Variants in DSCAM observed in about 807,000 individuals in gnomAD.
The protein encoded by DSCAM is cell adhesion molecule DSCAM.
A neutral mutation model predicts 217.7 loss-of-function variants in DSCAM; 47 were observed. The ratio of observed to expected loss-of-function variants is 0.22; its 90% CI spans 0.17 to 0.28. The LOEUF (loss-of-function observed/expected upper bound fraction) is 0.28. Among genes scored for constraint, DSCAM ranks in the 10% least tolerant of loss-of-function variants. DSCAM has a pLI of 1.00. For missense variants in DSCAM, 2,080 were observed against 2,618.3 expected, an observed-to-expected ratio of 0.79 and a Z score of 4.49; for synonymous variants, 1,056 against 1,015.3, an observed-to-expected ratio of 1.04 and a Z score of -0.76.
intron 3 of DSCAM, among the ~76,000 whole-genome samples, chr21:40,654,831 C>A (rs2090055640): frequency 6.6e-6 from 1 of 152,170 alleles, no homozygotes; most frequent in African/African-American, 2.4e-5. Flanking sequence ...ATCACATCTG[C>A]AAAATCCTTT....
rs199565259 is a variant in DSCAM, at chr21:40,154,408, T to C, written c.3019-9677A>G. Among the ~76,000 whole-genome samples the C allele has an allele frequency of 2.6e-5, 4 of 151,888 alleles. No individual in the cohort carries two copies. In the East Asian group the frequency reaches 5.8e-4, roughly 22 times the overall value. ...ACCTGGGATCACAGACATGTCACCA[T>C]ACCCGGCAAATTTTTGAACTTTTTT... On this transcript the variant is annotated intron_variant, in intron 16 of 32. Coordinates refer to ENST00000400454, the MANE Select transcript of DSCAM (RefSeq NM_001389.5).
At chr21:40,529,175 C>T (rs1227232744) in intron 3 of DSCAM, among the ~76,000 whole-genome samples, 1 of 152,026 alleles carries the variant, frequency 6.6e-6, no homozygotes, top group African/African-American at 2.4e-5. Context: ...AAATTACAGA[C>T]ATAAGCCACT....
chr21:40,194,835 A>C (rs370236586), intron 11 of DSCAM, among the ~76,000 whole-genome samples: 21 of 152,236 alleles, frequency 1.4e-4, no homozygotes, highest in African/African-American at 5.1e-4. Flanking sequence ...TTTCCCATTT[A>C]GCTTGAAATT....
At chr21:40,771,350 T>A (rs1020268438) in intron 1 of DSCAM, among the ~76,000 whole-genome samples, 1 of 152,186 alleles carries the variant, frequency 6.6e-6, no homozygotes, top group Non-Finnish European at 1.5e-5. Context: ...TTGAAACGGA[T>A]GGAGGAGGGA....
rs912784037 is a variant in DSCAM, at chr21:40,396,258, C to A, written c.509-27013G>T. 3.9e-5 allele frequency among the ~76,000 whole-genome samples: 6 copies of A among 152,246 alleles called. No individual in the cohort carries two copies. The East Asian group carries it at 1.2e-3, about 29-fold the overall frequency. On this transcript the variant is annotated intron_variant, in intron 3 of 32. Transcript: ENST00000400454. ...ATAATGTTTAAATGCCATGCAATTGCACAAGAAAACTTCACTGATTGTCAA... is the reference window on the plus strand; with the variant it reads ...ATAATGTTTAAATGCCATGCAATTGAACAAGAAAACTTCACTGATTGTCAA...
At chr21:40,579,677 C>A (rs2076887671) in intron 3 of DSCAM, among the ~76,000 whole-genome samples, 1 of 152,064 alleles carries the variant, frequency 6.6e-6, no homozygotes, top group Non-Finnish European at 1.5e-5. Context: ...AAGTTAAGAT[C>A]GTCGCTAGAA....
At chr21:40,406,899 G>C (rs998983780) in intron 3 of DSCAM, among the ~76,000 whole-genome samples, 2 of 152,104 alleles carry the variant, frequency 1.3e-5, no homozygotes, top group African/African-American at 4.8e-5. Flanking sequence ...GATTACATAT[G>C]TGAGCCACCG....
intron 9 of DSCAM, among the ~76,000 whole-genome samples, chr21:40,305,498 G>C (rs573228272): frequency 1.3e-5 from 2 of 151,786 alleles, no homozygotes; most frequent in Non-Finnish European, 2.9e-5. Flanking sequence ...TGGTGTTTTA[G>C]ACATGAAATC....
intron 11 of DSCAM, among the ~76,000 whole-genome samples, chr21:40,269,839 T>G (rs1218225643): frequency 6.6e-6 from 1 of 152,212 alleles, no homozygotes; most frequent in Non-Finnish European, 1.5e-5. Flanking sequence ...TAGAGCCTCA[T>G]CTTCACTAAT....
intron 20 of DSCAM, among the ~76,000 whole-genome samples, chr21:40,111,710 G>A (rs1025041227): frequency 6.6e-6 from 1 of 152,164 alleles, no homozygotes; most frequent in Non-Finnish European, 1.5e-5. Flanking sequence ...AAAATAAAGG[G>A]TTGGAGGAAG....
At chr21:40,254,007 T>C (rs2073339417) in intron 11 of DSCAM, among the ~76,000 whole-genome samples, 1 of 152,214 alleles carries the variant, frequency 6.6e-6, no homozygotes, top group Non-Finnish European at 1.5e-5. Context: ...GTGTCTGACA[T>C]AAGAGCAGTC....
chr21:40,789,553 ATTTTTTTT>A (rs3071032), intron 1 of DSCAM, among the ~76,000 whole-genome samples: 1 of 128,758 alleles, frequency 7.8e-6, no homozygotes, highest in African/African-American at 3.0e-5. Flanking sequence ...GAGTAGATTG[ATTTTTTTT>A]TTTTTTTTTT....
chr21:40,275,992 T>C (rs937124283), intron 11 of DSCAM, 105 bp downstream of exon 11: 66 of 1,230,686 alleles, frequency 5.4e-5, no homozygotes, highest in Non-Finnish European at 6.9e-5. Flanking sequence ...CGGGTCTTCT[T>C]TTGTGTTGCT....
rs9978898 is a variant in DSCAM at position 40,693,435 on chromosome 21, C to G, written c.362-479G>C. Among the ~76,000 whole-genome samples, 1,404 of 152,174 alleles carry G rather than the reference C, an allele frequency of 9.2e-3. 22 individuals are homozygous for G. The highest frequency in any genetic ancestry group is 0.032 in the African/African-American group (1,326 of 41,504). ...TGAAGAAAAAAAAATACACTACACT[C>G]TATACCAAGGGGCCAGAGTATAATC... is the stretch of plus-strand genomic sequence containing the variant. On this transcript the variant is annotated intron_variant, in intron 2 of 32. Coordinates refer to ENST00000400454, the MANE Select transcript of DSCAM (RefSeq NM_001389.5).
At chr21:40,193,862 G>A (rs986973465) in intron 11 of DSCAM, among the ~76,000 whole-genome samples, 18 of 152,152 alleles carry the variant, frequency 1.2e-4, no homozygotes, top group Admixed American at 2.0e-4. Flanking sequence ...ATTCCAATGA[G>A]AGCAAGCCAA....
At chr21:40,513,381 G>T (rs530459144) in intron 3 of DSCAM, 3 of 152,190 alleles carry the variant, frequency 2.0e-5, no homozygotes, top group Middle Eastern at 3.2e-3. Context: ...GTTTGGTGCT[G>T]CTGTAAGGGA....
At chr21:40,139,027 G>C (rs1467250096) in intron 18 of DSCAM, among the ~76,000 whole-genome samples, 1 of 146,932 alleles carries the variant, frequency 6.8e-6, no homozygotes, top group East Asian at 2.0e-4. Flanking sequence ...TGTGTGTAGT[G>C]TGTGTGTAGT....
intron 11 of DSCAM, among the ~76,000 whole-genome samples, chr21:40,206,546 T>A (rs1274564368): frequency 6.6e-6 from 1 of 152,154 alleles, no homozygotes; most frequent in Non-Finnish European, 1.5e-5. Context: ...GCCTCCAGCA[T>A]CAACCATATT....
At chr21:40,726,047 G>C (rs1022181414) in intron 1 of DSCAM, among the ~76,000 whole-genome samples, 3 of 152,140 alleles carry the variant, frequency 2.0e-5, no homozygotes, top group African/African-American at 7.2e-5. Flanking sequence ...AACTGTGAAC[G>C]ATAACAGAAC....
Sources: gnomAD v4.1 joint callset for allele counts (sites outside exome capture counted in the v4.1 genomes callset) on GRCh38, gnomAD v4.1.1 for gene constraint, MANE v1.5 for transcripts, NCBI Gene and HGNC (gene_info 2026-07-23, HGNC 2026-07-21) for gene names.